The following GALNT13 variants were observed in gnomAD, a reference collection of about 807,000 sequenced individuals.
GALNT13 encodes the protein polypeptide N-acetylgalactosaminyltransferase 13, also known as UDP-GalNAc:polypeptide N-acetylgalactosaminyltransferase 13.
A neutral mutation model predicts 64.2 loss-of-function variants in GALNT13; 28 were observed. That is an observed-to-expected ratio of 0.44 (90% CI 0.32 to 0.60). The LOEUF (loss-of-function observed/expected upper bound fraction) is 0.60. Ranked by LOEUF, GALNT13 falls within the 20% of genes least tolerant of loss-of-function variation. The pLI is 0.05. For missense variants in GALNT13, 577 were observed against 669.8 expected (o/e 0.86, Z 1.53); for synonymous variants, 214 against 224.6 (o/e 0.95, Z 0.42).
chr2:154,005,117 G>A (rs1382393481), intron 3 of GALNT13, among the ~76,000 whole-genome samples: 6 of 151,890 alleles, frequency 4.0e-5, no homozygotes, highest in South Asian at 2.1e-4. Context: ...CATATGTTTC[G>A]AATTTTGTCT....
intron 4 of GALNT13, among the ~76,000 whole-genome samples, chr2:154,219,145 A>T (rs1034907471): frequency 2.0e-5 from 3 of 152,212 alleles, no homozygotes; most frequent in African/African-American, 7.2e-5. Context: ...CTATTTTAAT[A>T]ATGATGATAA....
At chr2:153,947,760 C>A (rs1691873440) in intron 3 of GALNT13, among the ~76,000 whole-genome samples, 1 of 151,876 alleles carries the variant, frequency 6.6e-6, no homozygotes. Flanking sequence ...TTTTTCTGTG[C>A]CCATGTCCTG....
At chr2:154,425,340 T>C (rs1480745063) in intron 11 of GALNT13, among the ~76,000 whole-genome samples, 1 of 152,180 alleles carries the variant, frequency 6.6e-6, no homozygotes, top group Admixed American at 6.5e-5. Context: ...TAAAATACAA[T>C]AGTTTATCTA....
chr2:153,658,049 C>A, the GALNT13 span, among the ~76,000 whole-genome samples: 2 of 152,052 alleles, frequency 1.3e-5, no homozygotes, highest in Non-Finnish European at 2.9e-5. Flanking sequence ...CATAGGATCA[C>A]CAACAATAAG....
the GALNT13 span, among the ~76,000 whole-genome samples, chr2:153,124,183 G>A: frequency 6.6e-6 from 1 of 152,186 alleles, no homozygotes; most frequent in Non-Finnish European, 1.5e-5. Context: ...TTAGGATTTA[G>A]TGTAATGTGT....
the GALNT13 span, among the ~76,000 whole-genome samples, chr2:153,119,025 A>T: frequency 6.6e-6 from 1 of 152,014 alleles, no homozygotes; most frequent in South Asian, 2.1e-4. Context: ...TTATAGTTTT[A>T]TAAGGGACTT....
intron 4 of GALNT13, among the ~76,000 whole-genome samples, chr2:154,157,418 G>T (rs528863313): frequency 1.9e-4 from 29 of 151,974 alleles, no homozygotes; most frequent in Non-Finnish European, 4.0e-4. Flanking sequence ...TCACTATGTC[G>T]CCCAGGCTGG....
At chr2:153,294,021 C>A in the GALNT13 span, among the ~76,000 whole-genome samples, 9 of 151,988 alleles carry the variant, frequency 5.9e-5, no homozygotes, top group Non-Finnish European at 8.8e-5. Context: ...GAGGTTTCAC[C>A]ATGTTTCCCA....
chr2:154,141,398 A>G (rs1022636275), intron 4 of GALNT13, among the ~76,000 whole-genome samples: 5 of 152,154 alleles, frequency 3.3e-5, no homozygotes, highest in African/African-American at 1.2e-4. Flanking sequence ...ACACAAGCAT[A>G]CTATACAGCT....
the GALNT13 span, among the ~76,000 whole-genome samples, chr2:153,772,746 C>T: frequency 5.9e-5 from 9 of 152,186 alleles, no homozygotes; most frequent in African/African-American, 1.2e-4. Flanking sequence ...TGTCTACATT[C>T]GTAGAGACAG....
At chr2:153,873,467 C>G (rs759991619) in intron 1 of GALNT13, among the ~76,000 whole-genome samples, 3 of 152,198 alleles carry the variant, frequency 2.0e-5, no homozygotes, top group Non-Finnish European at 4.4e-5. Context: ...ACCTTTATAG[C>G]CAGCTGCAGA....
the GALNT13 span, among the ~76,000 whole-genome samples, chr2:153,286,455 A>G: frequency 1.3e-5 from 2 of 152,196 alleles, no homozygotes; most frequent in South Asian, 4.1e-4. Flanking sequence ...GTCAGATTTT[A>G]TTTTGTATTC....
chr2:153,630,794 T>G, the GALNT13 span, among the ~76,000 whole-genome samples: 1 of 13,006 alleles, frequency 7.7e-5, no homozygotes, highest in East Asian at 2.8e-3. Context: ...TATATATATA[T>G]ATATATATAT....
At chr2:153,127,525 C>T in the GALNT13 span, among the ~76,000 whole-genome samples, 3 of 132,494 alleles carry the variant, frequency 2.3e-5, no homozygotes, top group African/African-American at 7.9e-5. Context: ...GATACCATTA[C>T]CTGTTACTCT....
At chr2:154,351,030 T>G (rs1696366896) in intron 9 of GALNT13, among the ~76,000 whole-genome samples, 1 of 152,060 alleles carries the variant, frequency 6.6e-6, no homozygotes, top group Non-Finnish European at 1.5e-5. Flanking sequence ...GCAGGGTAGT[T>G]GGGGACACAG....
the GALNT13 span, among the ~76,000 whole-genome samples, chr2:153,403,773 T>C: frequency 1.9e-4 from 29 of 152,286 alleles, no homozygotes; most frequent in Non-Finnish European, 2.6e-4. Flanking sequence ...GGCAATGCCT[T>C]GCCCTGCTTC....
the GALNT13 span, among the ~76,000 whole-genome samples, chr2:153,417,766 A>G: frequency 7.9e-5 from 12 of 152,186 alleles, no homozygotes; most frequent in Non-Finnish European, 1.8e-4. Context: ...TATACGAAGT[A>G]AGATTGTCAC....
At chr2:153,600,800 C>G in the GALNT13 span, among the ~76,000 whole-genome samples, 660 of 152,102 alleles carry the variant, frequency 4.3e-3, 3 homozygotes, top group Non-Finnish European at 5.9e-3. Flanking sequence ...TTGCTGAAAT[C>G]ATTTTCTGTG....
At chr2:153,601,417 A>C in the GALNT13 span, among the ~76,000 whole-genome samples, 1 of 151,820 alleles carries the variant, frequency 6.6e-6, no homozygotes, top group Non-Finnish European at 1.5e-5. Context: ...AATGATGCCA[A>C]TACTTCTAAT....
Sources: allele counts gnomAD v4.1 joint callset (sites outside exome capture counted in the v4.1 genomes callset), GRCh38; gene constraint gnomAD v4.1.1; transcripts MANE v1.5; gene names NCBI Gene and HGNC (gene_info 2026-07-23, HGNC 2026-07-21).